WDR27: variants seen among roughly 807,000 people sequenced by gnomAD.
The protein encoded by WDR27 is WD repeat-containing protein 27.
A neutral mutation model predicts 114.4 loss-of-function variants in WDR27; 100 were observed. The ratio of observed to expected loss-of-function variants is 0.87; its 90% confidence interval spans 0.74 to 1.03. The LOEUF (loss-of-function observed/expected upper bound fraction) is 1.03. Ranked by LOEUF, WDR27 falls within the 50% of genes least tolerant of loss-of-function variation. The pLI is 0.00. For missense variants in WDR27, 1,129 were observed against 1,092.9 expected (o/e 1.03, Z -0.47); for synonymous variants, 449 against 423.1 (o/e 1.06, Z -0.75).
chr6:169,700,901 T>C (rs1787778956), intron 1 of WDR27, among the ~76,000 whole-genome samples: 1 of 152,248 alleles, frequency 6.6e-6, no homozygotes, highest in South Asian at 2.1e-4. Context: ...AATATCCATG[T>C]ACATACATGC....
the WDR27 span, among the ~76,000 whole-genome samples, chr6:169,429,989 A>T: frequency 1.3e-5 from 2 of 152,352 alleles, no homozygotes; most frequent in East Asian, 3.9e-4. Flanking sequence ...TTGTGTTTCC[A>T]GGCCAAGGCC....
At chr6:169,626,221 A>G (rs1814769753) in intron 21 of WDR27, among the ~76,000 whole-genome samples, 1 of 152,188 alleles carries the variant, frequency 6.6e-6, no homozygotes, top group African/African-American at 2.4e-5. Context: ...TAGGTGGGAC[A>G]GAAGACGGCA....
intron 13 of WDR27, among the ~76,000 whole-genome samples, chr6:169,656,123 C>T (rs1824119147): frequency 6.6e-6 from 1 of 151,548 alleles, no homozygotes; most frequent in African/African-American, 2.4e-5. Context: ...GAGTTTGGGG[C>T]TTTTATGGAC....
intron 23 of WDR27, among the ~76,000 whole-genome samples, chr6:169,599,166 G>A (rs1410487124): frequency 1.4e-5 from 2 of 144,824 alleles, no homozygotes; most frequent in Non-Finnish European, 3.0e-5. Flanking sequence ...AGGCCCTGGT[G>A]TGTGATGTTC....
At chr6:169,660,578 C>G in intron 10 of WDR27, 85 bp downstream of exon 10, 1 of 1,118,414 alleles carries the variant, frequency 8.9e-7, no homozygotes, top group South Asian at 1.3e-5. Flanking sequence ...CACGGCAAGG[C>G]CTTCTCCACA....
At chr6:169,496,004 G>A (rs1161380547) in intron 25 of WDR27, among the ~76,000 whole-genome samples, 1 of 151,968 alleles carries the variant, frequency 6.6e-6, no homozygotes, top group African/African-American at 2.4e-5. Flanking sequence ...GAACATTAAT[G>A]CAAAAATTCT....
At chr6:169,623,521 C>T (rs559901732) in intron 21 of WDR27, among the ~76,000 whole-genome samples, 60 of 152,226 alleles carry the variant, frequency 3.9e-4, no homozygotes, top group Non-Finnish European at 6.9e-4. Flanking sequence ...CAGCCAGTGA[C>T]GGCACCACTC....
intron 25 of WDR27, among the ~76,000 whole-genome samples, chr6:169,570,632 T>C (rs1801241573): frequency 6.6e-6 from 1 of 152,156 alleles, no homozygotes; most frequent in African/African-American, 2.4e-5. Flanking sequence ...AGTTGGAGAC[T>C]ATCCTGGCCA....
intron 25 of WDR27, among the ~76,000 whole-genome samples, chr6:169,524,914 A>C (rs1794778591): frequency 6.6e-6 from 1 of 152,216 alleles, no homozygotes; most frequent in Admixed American, 6.5e-5. Context: ...CAGGCAACCA[A>C]AGCAAAAATA....
chr6:169,665,215 G>T (rs754345880), intron 7 of WDR27: 66 of 1,190,416 alleles, frequency 5.5e-5, no homozygotes, highest in Non-Finnish European at 6.6e-5. Flanking sequence ...TCAGGGTCAC[G>T]TGAGTGGCCC....
chr6:169,647,877 G>A lies in WDR27; in HGVS notation c.1560-7C>T. 1 of 1,545,652 alleles carries A rather than the reference G, an allele frequency of 6.5e-7. No homozygotes were observed. Among genetic ancestry groups the A allele is most frequent in the Non-Finnish European group, 8.7e-7 (1 of 1,147,474 alleles). On this transcript the variant is annotated splice_region_variant and splice_polypyrimidine_tract_variant and intron_variant, in intron 15 of 25. Transcript: ENST00000448612. ...CTCCACGGGGTATGCCTCCCTGAGGGAAGGCCACAGGTAACGGTGATCGGG... is the reference window on the plus strand; with the variant it reads ...CTCCACGGGGTATGCCTCCCTGAGGAAAGGCCACAGGTAACGGTGATCGGG...
intron 25 of WDR27, among the ~76,000 whole-genome samples, chr6:169,545,229 G>C (rs1483980874): frequency 6.6e-6 from 1 of 152,008 alleles, no homozygotes; most frequent in African/African-American, 2.4e-5. Flanking sequence ...ACAGGATAGA[G>C]AATGAAGAAA....
At chr6:169,565,761 G>A (rs12212914) in intron 25 of WDR27, among the ~76,000 whole-genome samples, 1 of 151,908 alleles carries the variant, frequency 6.6e-6, no homozygotes, top group East Asian at 1.9e-4. Flanking sequence ...TTGCAGCATC[G>A]ACCTCCCAGG....
chr6:169,648,847 C>A (rs1821486525), intron 15 of WDR27, among the ~76,000 whole-genome samples: 1 of 152,242 alleles, frequency 6.6e-6, no homozygotes, highest in Admixed American at 6.5e-5. Flanking sequence ...GTGGGCCACG[C>A]CCACTCAGAA....
At chr6:169,548,394 C>G (rs1293993753) in intron 25 of WDR27, among the ~76,000 whole-genome samples, 1 of 152,044 alleles carries the variant, frequency 6.6e-6, no homozygotes, top group Non-Finnish European at 1.5e-5. Context: ...ATTTTTTAAA[C>G]AGCTAGAAGA....
intron 1 of WDR27, among the ~76,000 whole-genome samples, chr6:169,695,494 C>G (rs895689595): frequency 6.6e-6 from 1 of 152,236 alleles, no homozygotes; most frequent in Non-Finnish European, 1.5e-5. Flanking sequence ...CATCGCTTCT[C>G]TAATCCACAG....
At chr6:169,692,826 T>C (rs1006718225) in intron 1 of WDR27, among the ~76,000 whole-genome samples, 8 of 152,194 alleles carry the variant, frequency 5.3e-5, no homozygotes, top group African/African-American at 1.9e-4. Context: ...CCTGCCCCCA[T>C]CTGATGGTTT....
intron 25 of WDR27, among the ~76,000 whole-genome samples, chr6:169,557,712 G>A (rs1799118546): frequency 1.3e-5 from 2 of 152,166 alleles, no homozygotes. Flanking sequence ...TGGGAAGATT[G>A]CAGGAGCCCA....
At chr6:169,661,317 G>A (rs151005604) in intron 9 of WDR27, among the ~76,000 whole-genome samples, 10 of 152,332 alleles carry the variant, frequency 6.6e-5, no homozygotes, top group African/African-American at 2.4e-4. Flanking sequence ...GCCCACCTCT[G>A]TGAATAAGGA....
Sources: gnomAD v4.1 joint callset for allele counts (sites outside exome capture counted in the v4.1 genomes callset) on GRCh38, gnomAD v4.1.1 for gene constraint, MANE v1.5 for transcripts, NCBI Gene and HGNC (gene_info 2026-07-23, HGNC 2026-07-21) for gene names.